SLC10A7: variants seen among roughly 807,000 people sequenced by gnomAD.
The protein encoded by SLC10A7 is solute carrier family 10 member 7.
A neutral mutation model predicts 43.2 loss-of-function variants in SLC10A7; 29 were observed. The ratio of observed to expected loss-of-function variants is 0.67; its 90% confidence interval spans 0.50 to 0.92. The LOEUF (loss-of-function observed/expected upper bound fraction) is 0.92. Among genes scored for constraint, SLC10A7 ranks in the 40% least tolerant of loss-of-function variants. The pLI is 0.00. For missense variants in SLC10A7, 295 were observed against 403.2 expected (o/e 0.73, Z 2.30); for synonymous variants, 152 against 144.8 (o/e 1.05, Z -0.35).
rs144182653 is a variant in SLC10A7 at position 146,383,692 on chromosome 4, G to A, written c.436-57696C>T. On this transcript the variant is annotated intron_variant, in intron 5 of 11. Transcript: ENST00000335472. ...GGACACCTTCCACTGGTAACAATAG[G>A]TTACCTTATTGTCCCATTTTATAGC... 6.7e-3 allele frequency among the ~76,000 whole-genome samples: 1,023 copies of A among 152,134 alleles called. 2 individuals carry two copies. Among genetic ancestry groups the A allele is most frequent in the Middle Eastern group, 0.01 (3 of 294 alleles).
intron 4 of SLC10A7, among the ~76,000 whole-genome samples, chr4:146,450,846 T>C (rs1350259486): frequency 6.6e-6 from 1 of 152,122 alleles, no homozygotes; most frequent in Non-Finnish European, 1.5e-5. Context: ...GTGAAACTTC[T>C]CTTTGGGGTC....
chr4:146,472,888 A>G (rs530725547), intron 4 of SLC10A7, among the ~76,000 whole-genome samples: 1 of 152,332 alleles, frequency 6.6e-6, no homozygotes, highest in East Asian at 1.9e-4. Context: ...CTAGTTGTCT[A>G]AAGGCCATTC....
In SLC10A7 at chr4:146,490,535, A is replaced by G. The variant is rs577387858; in HGVS notation, c.396+13314T>C. Among the ~76,000 whole-genome samples the G allele has an allele frequency of 2.6e-5, 4 of 152,284 alleles. No homozygotes were observed. In the South Asian group the frequency reaches 8.3e-4, roughly 32 times the overall value. ...AGAGTTAAATTGCCATGGTTTGCCTATTTGAGAAGGTGTACCATTTTCAAA... is the reference window on the plus strand; with the variant it reads ...AGAGTTAAATTGCCATGGTTTGCCTGTTTGAGAAGGTGTACCATTTTCAAA... On this transcript the variant is annotated intron_variant, in intron 4 of 11. Coordinates refer to ENST00000335472, the MANE Select transcript of SLC10A7 (RefSeq NM_001029998.6).
chr4:146,448,329 T>C (rs1731291872), intron 4 of SLC10A7, among the ~76,000 whole-genome samples: 1 of 152,216 alleles, frequency 6.6e-6, no homozygotes, highest in Admixed American at 6.5e-5. Context: ...CTAAACGTTA[T>C]GTTCTACCTT....
intron 5 of SLC10A7, among the ~76,000 whole-genome samples, chr4:146,406,000 G>A (rs1252187326): frequency 1.3e-5 from 2 of 152,124 alleles, no homozygotes. Flanking sequence ...GTACTGTAAA[G>A]CATTTGCATA....
intron 6 of SLC10A7, among the ~76,000 whole-genome samples, chr4:146,324,484 G>A (rs1416856398): frequency 1.3e-5 from 2 of 152,040 alleles, no homozygotes; most frequent in Non-Finnish European, 2.9e-5. Flanking sequence ...CATCTCCCCC[G>A]CTCTTCTTAA....
At chr4:146,520,942 C>T (rs12647784) in intron 1 of SLC10A7, among the ~76,000 whole-genome samples, 121,089 of 152,100 alleles carry the variant, frequency 0.8, 48,562 homozygotes, top group East Asian at 0.9. Context: ...TCAGTCCATC[C>T]ACATTTCCTT....
In SLC10A7 at chr4:146,255,826, T is replaced by C. The variant is rs1237585271; in HGVS notation, c.*665A>G. On this transcript the variant is annotated 3_prime_UTR_variant, in exon 12 of 12. Coordinates refer to ENST00000335472, the MANE Select transcript of SLC10A7 (RefSeq NM_001029998.6). Reference sequence around the variant, plus strand: ...GTTTAACTCAAAATTTCACATGATTTCACTCATAATTCAAACATTCAGACC... The same window carrying C: ...GTTTAACTCAAAATTTCACATGATTCCACTCATAATTCAAACATTCAGACC... 2 of 152,188 alleles carry C rather than the reference T, an allele frequency of 1.3e-5. No individual in the cohort carries two copies. The highest frequency in any genetic ancestry group is 2.1e-4 in the South Asian group (1 of 4,818). The allele number at this position is 152,188 out of a possible 1,614,324, so 9.4% of individuals were successfully genotyped here. A position where few individuals can be genotyped will look rare whatever the true frequency, so the allele number is the denominator to read the frequency against.
At chr4:146,343,577 T>A (rs1359269545) in intron 5 of SLC10A7, among the ~76,000 whole-genome samples, 1 of 152,050 alleles carries the variant, frequency 6.6e-6, no homozygotes, top group Admixed American at 6.6e-5. Flanking sequence ...ATATTAATGA[T>A]GTGGGAGATA....
intron 5 of SLC10A7, among the ~76,000 whole-genome samples, chr4:146,394,287 A>C (rs76494175): frequency 6.6e-6 from 1 of 152,316 alleles, no homozygotes; most frequent in East Asian, 1.9e-4. Context: ...TGCTGTGACT[A>C]AATAACAAAA....
chr4:146,265,973 A>T (rs1470157458), intron 10 of SLC10A7, among the ~76,000 whole-genome samples: 2 of 152,254 alleles, frequency 1.3e-5, no homozygotes, highest in African/African-American at 4.8e-5. Flanking sequence ...CCCACTTAGC[A>T]TGAGATAGTA....
intron 4 of SLC10A7, 132 bp downstream of exon 4, chr4:146,503,717 T>C (rs1419696440): frequency 2.8e-6 from 2 of 720,868 alleles, no homozygotes; most frequent in Non-Finnish European, 4.8e-6. Context: ...TGAGTACACC[T>C]CCTTCTTTCA....
At chr4:146,343,984 T>C (rs554969136) in intron 5 of SLC10A7, among the ~76,000 whole-genome samples, 25 of 152,148 alleles carry the variant, frequency 1.6e-4, no homozygotes, top group African/African-American at 6.0e-4. Context: ...TCATTCCAAA[T>C]GTTTTTAGCT....
At chr4:146,361,925 A>G (rs924295154) in intron 5 of SLC10A7, among the ~76,000 whole-genome samples, 1 of 152,186 alleles carries the variant, frequency 6.6e-6, no homozygotes, top group African/African-American at 2.4e-5. Context: ...AAAATTCTGG[A>G]GCTGAAAAAT....
At chr4:146,363,467 C>T (rs760054165) in intron 5 of SLC10A7, among the ~76,000 whole-genome samples, 11 of 151,988 alleles carry the variant, frequency 7.2e-5, no homozygotes, top group Non-Finnish European at 1.3e-4. Flanking sequence ...GACAGAAATC[C>T]AACAAAGAAA....
intron 5 of SLC10A7, among the ~76,000 whole-genome samples, chr4:146,362,080 T>A (rs756866081): frequency 4.6e-5 from 7 of 152,066 alleles, no homozygotes; most frequent in Non-Finnish European, 1.0e-4. Context: ...GAATGAAGTA[T>A]GCCTACAAGA....
intron 6 of SLC10A7, among the ~76,000 whole-genome samples, chr4:146,310,064 C>A (rs1431124784): frequency 6.6e-6 from 1 of 152,094 alleles, no homozygotes; most frequent in African/African-American, 2.4e-5. Flanking sequence ...TAAGCGAGAA[C>A]ATGTAGTATT....
At chr4:146,354,211 T>A in intron 5 of SLC10A7, among the ~76,000 whole-genome samples, 1 of 148,368 alleles carries the variant, frequency 6.7e-6, no homozygotes, top group Non-Finnish European at 1.5e-5. Flanking sequence ...AAAATCAATG[T>A]ACAAAAATCA....
rs1033820177 is a variant in SLC10A7 at position 146,467,814 on chromosome 4, T to C, written c.397-24993A>G. ...GTGACCTCAGGTGATTCACCTGCCT[T>C]GGCCTCCCAAAGTGCTGGGATTACA... On this transcript the variant is annotated intron_variant, in intron 4 of 11. Transcript: ENST00000335472. Among the ~76,000 whole-genome samples the C allele has an allele frequency of 7.9e-5, 12 of 152,150 alleles. 1 individual carries two copies. In the South Asian group the frequency reaches 2.5e-3, roughly 32 times the overall value.
Sources: gnomAD v4.1 joint callset for allele counts (sites outside exome capture counted in the v4.1 genomes callset) on GRCh38, gnomAD v4.1.1 for gene constraint, MANE v1.5 for transcripts, NCBI Gene and HGNC (gene_info 2026-07-23, HGNC 2026-07-21) for gene names.